COP1: variants seen among roughly 807,000 people sequenced by gnomAD.
The protein encoded by COP1 is COP1 E3 ubiquitin ligase.
In COP1, 24 loss-of-function variants were observed where a neutral mutation model predicts 101.3. The observed-to-expected ratio is 0.24, with a 90% CI of 0.17 to 0.33. The LOEUF is 0.33. Among genes scored for constraint, COP1 ranks in the 10% least tolerant of loss-of-function variants. The pLI is 1.00. For missense variants in COP1, 663 were observed against 906.2 expected, an observed-to-expected ratio of 0.73 and a Z score of 3.45; for synonymous variants, 347 against 341.9, an observed-to-expected ratio of 1.01 and a Z score of -0.17.
chr1:176,127,770 T>C (rs532060056), intron 8 of COP1, among the ~76,000 whole-genome samples: 8 of 152,296 alleles, frequency 5.3e-5, no homozygotes, highest in South Asian at 2.1e-4. Flanking sequence ...AGTAATGGGA[T>C]TGCAGGATCG....
At chr1:176,180,784 A>G (rs562520453) in intron 2 of COP1, among the ~76,000 whole-genome samples, 1 of 152,250 alleles carries the variant, frequency 6.6e-6, no homozygotes, top group Non-Finnish European at 1.5e-5. Context: ...CAGCCAGGAC[A>G]AATCAGAACC....
At chr1:176,196,465 A>G (rs2102213947) in intron 1 of COP1, among the ~76,000 whole-genome samples, 1 of 152,302 alleles carries the variant, frequency 6.6e-6, no homozygotes, top group South Asian at 2.1e-4. Context: ...AATAAGGGGT[A>G]TATTATTATT....
intron 19 of COP1, 100 bp from the exon 20 acceptor site, chr1:175,945,270 A>G: frequency 1.2e-6 from 1 of 844,304 alleles, no homozygotes; most frequent in Non-Finnish European, 1.8e-6. Context: ...AAGCAAATTT[A>G]AAAAACGTTT....
At chr1:176,116,810 C>T in intron 8 of COP1, 129 bp from the exon 9 acceptor site, 1 of 670,150 alleles carries the variant, frequency 1.5e-6, no homozygotes, top group Non-Finnish European at 2.6e-6. Flanking sequence ...ATATTTATTG[C>T]CAATCATTAG....
chr1:176,113,337 T>C (rs1002384729), intron 9 of COP1, among the ~76,000 whole-genome samples: 2 of 152,244 alleles, frequency 1.3e-5, no homozygotes, highest in African/African-American at 4.8e-5. Context: ...ACCACTTGTA[T>C]ATCTTCTTTT....
At chr1:175,972,461 ATT>A (rs35491036) in intron 18 of COP1, among the ~76,000 whole-genome samples, 15 of 129,962 alleles carry the variant, frequency 1.2e-4, no homozygotes, top group African/African-American at 1.2e-4. Context: ...AAATACAAGA[ATT>A]TTTTTTTTTT....
At chr1:175,998,205 A>C (rs1365359718) in intron 15 of COP1, among the ~76,000 whole-genome samples, 1 of 148,762 alleles carries the variant, frequency 6.7e-6, no homozygotes, top group African/African-American at 2.5e-5. Flanking sequence ...GTAAACTATC[A>C]CAAGAACAAA....
At chr1:176,082,996 C>T (rs2149407000) in intron 10 of COP1, among the ~76,000 whole-genome samples, 1 of 152,162 alleles carries the variant, frequency 6.6e-6, no homozygotes, top group East Asian at 1.9e-4. Context: ...AAGGAATTAC[C>T]TAACAGGCAA....
intron 15 of COP1, among the ~76,000 whole-genome samples, chr1:175,997,960 T>C (rs1341527529): frequency 2.6e-5 from 4 of 151,350 alleles, no homozygotes; most frequent in Non-Finnish European, 4.4e-5. Context: ...ATTATGTTTA[T>C]TGCGGCACTA....
intron 9 of COP1, among the ~76,000 whole-genome samples, chr1:176,098,584 T>C (rs916000388): frequency 6.6e-6 from 1 of 152,204 alleles, no homozygotes; most frequent in African/African-American, 2.4e-5. Context: ...CAAAAAGGCA[T>C]TATATGGTTT....
At chr1:176,085,733 G>A in intron 10 of COP1, 43 bp downstream of exon 10, 1 of 1,200,398 alleles carries the variant, frequency 8.3e-7, no homozygotes, top group Non-Finnish European at 1.2e-6. Flanking sequence ...AAACAGATCT[G>A]AAATGTAGAT....
chr1:176,079,923 T>G (rs1036775672), intron 11 of COP1, among the ~76,000 whole-genome samples: 20 of 151,898 alleles, frequency 1.3e-4, no homozygotes, highest in African/African-American at 4.8e-4. Flanking sequence ...CTCGGGAAGC[T>G]GAGGCATGAG....
chr1:175,988,512 A>T, intron 16 of COP1, 100 bp from the exon 17 acceptor site: 3 of 1,155,438 alleles, frequency 2.6e-6, no homozygotes, highest in Non-Finnish European at 3.6e-6. Flanking sequence ...TTAAGAATGC[A>T]GGCTCTGGAG....
chr1:176,174,649 A>G lies in COP1; in HGVS notation c.565+1261T>C, dbSNP rs367768907. Among the ~76,000 whole-genome samples, 5 of 152,240 alleles carry G rather than the reference A, an allele frequency of 3.3e-5. 1 individual carries two copies. The East Asian group carries it at 7.7e-4, about 23-fold the overall frequency. Reference sequence around the variant, plus strand: ...CAGATAAAAAGGAAAACCATAGCTGAATACGTTCAAATTCATAATTTATTT... The same window carrying G: ...CAGATAAAAAGGAAAACCATAGCTGGATACGTTCAAATTCATAATTTATTT... On this transcript the variant is annotated intron_variant, in intron 3 of 19. Coordinates refer to ENST00000367669, the MANE Select transcript of COP1 (RefSeq NM_022457.7).
At chr1:176,060,451 C>T (rs1249460990) in intron 11 of COP1, among the ~76,000 whole-genome samples, 6 of 152,112 alleles carry the variant, frequency 3.9e-5, no homozygotes, top group South Asian at 2.1e-4. Context: ...GACATTTTGT[C>T]CTCTTTAAAA....
rs781050877 is a variant in COP1, at chr1:175,986,953, A to G, written c.2123T>C (p.Leu708Pro). 5 of 1,592,936 alleles carry G rather than the reference A, an allele frequency of 3.1e-6. No individual in the cohort carries two copies. The African/African-American group carries it at 5.4e-5, about 17-fold the overall frequency. ...EFVSAVCWRA[L>P]PDGESNVLIA... ...GATATGAAAACTTACCCCATCTGGT[A>G]GTGCCCTCCAGCACACAGCACTAAC... is the stretch of plus-strand genomic sequence containing the variant. The change falls in exon 18 of 20, where the codon CTA (leucine) becomes CCA (proline). Residue 708 changes from leucine to proline, a missense_variant. Around this residue, in one of 4 missense-constraint regions of COP1, gnomAD observed 209 missense variants for 383.3 expected, o/e 0.55. Transcript: ENST00000367669.
intron 18 of COP1, among the ~76,000 whole-genome samples, chr1:175,977,969 A>G (rs944141663): frequency 1.3e-5 from 2 of 152,112 alleles, no homozygotes; most frequent in Admixed American, 6.5e-5. Context: ...TTTGGTAGGG[A>G]TTACCAAAAG....
At chr1:176,069,994 T>C (rs1676678126) in intron 11 of COP1, among the ~76,000 whole-genome samples, 1 of 152,192 alleles carries the variant, frequency 6.6e-6, no homozygotes, top group African/African-American at 2.4e-5. Flanking sequence ...TGGTGTCAAT[T>C]ACTAGCTGCA....
intron 15 of COP1, among the ~76,000 whole-genome samples, chr1:175,991,870 C>A (rs1163352999): frequency 6.6e-6 from 1 of 152,144 alleles, no homozygotes; most frequent in Non-Finnish European, 1.5e-5. Flanking sequence ...ATAGAGATGT[C>A]ATCTTCTCTG....
Sources: gnomAD v4.1 joint callset for allele counts (sites outside exome capture counted in the v4.1 genomes callset) on GRCh38, gnomAD v4.1.1 for gene constraint, gnomAD v4.1.1 regional missense constraint, MANE v1.5 for transcripts, NCBI Gene and HGNC (gene_info 2026-07-23, HGNC 2026-07-21) for gene names.